Variants in IDE observed in about 807,000 individuals in gnomAD.
IDE encodes insulin-degrading enzyme.
Under a neutral mutation model 133.2 loss-of-function variants are expected in IDE, and 58 were observed. The observed-to-expected ratio is 0.44, with a 90% CI of 0.35 to 0.54. The LOEUF is 0.54. Ranked by LOEUF, IDE falls within the 20% of genes least tolerant of loss-of-function variation. The probability of loss-of-function intolerance (pLI) is 0.00; values close to 1 mark genes in which losing one functional copy is unlikely to be tolerated. For synonymous variants in IDE, 396 were observed against 421.3 expected, an observed-to-expected ratio of 0.94 and a Z score of 0.73; for missense variants, 981 against 1,234.0, an observed-to-expected ratio of 0.79 and a Z score of 3.07.
At chr10:92,564,419 C>A (rs1381210968) in intron 1 of IDE, among the ~76,000 whole-genome samples, 2 of 152,018 alleles carry the variant, frequency 1.3e-5, no homozygotes, top group Non-Finnish European at 2.9e-5. Flanking sequence ...CACCTGTAAT[C>A]CCAGCACTTT....
At chr10:92,557,318 C>T (rs1273485629) in intron 1 of IDE, among the ~76,000 whole-genome samples, 1 of 152,014 alleles carries the variant, frequency 6.6e-6, no homozygotes, top group Non-Finnish European at 1.5e-5. Flanking sequence ...GGGTGGATCA[C>T]GAGGTCAGGA....
chr10:92,484,353 G>T (rs1161243169), intron 13 of IDE, among the ~76,000 whole-genome samples: 1 of 152,150 alleles, frequency 6.6e-6, no homozygotes, highest in Non-Finnish European at 1.5e-5. Flanking sequence ...GGAGGCAGAG[G>T]TTGCAGTGAG....
chr10:92,533,840 A>G (rs1850075647), intron 3 of IDE, among the ~76,000 whole-genome samples: 3 of 152,064 alleles, frequency 2.0e-5, no homozygotes, highest in African/African-American at 7.2e-5. Context: ...CCTGACCAAC[A>G]TGGTGAAACC....
chr10:92,487,134 C>T, intron 13 of IDE, 62 bp downstream of exon 13: 6 of 1,495,786 alleles, frequency 4.0e-6, no homozygotes, highest in Non-Finnish European at 4.6e-6. Flanking sequence ...AAATCATTTA[C>T]CCAGTCCCCC....
intron 11 of IDE, among the ~76,000 whole-genome samples, chr10:92,503,305 T>A (rs1266541089): frequency 6.6e-6 from 1 of 152,134 alleles, no homozygotes. Context: ...TCTGTACTCA[T>A]CCAAACACTG....
intron 1 of IDE, among the ~76,000 whole-genome samples, chr10:92,572,578 G>A (rs2135863310): frequency 6.6e-6 from 1 of 152,260 alleles, no homozygotes; most frequent in Non-Finnish European, 1.5e-5. Context: ...AGTTCCATCA[G>A]ATAACTTTCC....
intron 11 of IDE, among the ~76,000 whole-genome samples, 143 bp downstream of exon 11, chr10:92,504,638 GGTTGAAGCTTGGT>G (rs1848197609): frequency 6.6e-6 from 1 of 152,234 alleles, no homozygotes; most frequent in Admixed American, 6.5e-5. Flanking sequence ...ATGTATCAAT[GGTTGAAGCTTGGT>G]GTTGCTTCAT....
At chr10:92,456,473 A>T (rs774017679) in intron 22 of IDE, 42 bp from the exon 23 acceptor site, 1 of 1,307,346 alleles carries the variant, frequency 7.6e-7, no homozygotes. Flanking sequence ...TGCTCCACTA[A>T]AGAACTTACA....
At chr10:92,486,180 C>T (rs1406330885) in intron 13 of IDE, among the ~76,000 whole-genome samples, 2 of 151,980 alleles carry the variant, frequency 1.3e-5, no homozygotes, top group African/African-American at 2.4e-5. Context: ...GAAACCCTGT[C>T]TCTACTAAAA....
At chr10:92,517,242 A>G (rs1262123447) in intron 4 of IDE, among the ~76,000 whole-genome samples, 21 of 152,218 alleles carry the variant, frequency 1.4e-4, no homozygotes, top group Admixed American at 1.1e-3. Context: ...GCTGCACAGT[A>G]CTAAGATTCC....
At chr10:92,537,932 T>C (rs1842102123) in intron 1 of IDE, among the ~76,000 whole-genome samples, 1 of 152,106 alleles carries the variant, frequency 6.6e-6, no homozygotes, top group African/African-American at 2.4e-5. Context: ...TAGCGTGATT[T>C]TGGCTCACTG....
intron 1 of IDE, among the ~76,000 whole-genome samples, chr10:92,564,883 C>A (rs2135825432): frequency 6.6e-6 from 1 of 151,494 alleles, no homozygotes; most frequent in Admixed American, 6.6e-5. Context: ...ACAGTAAGAC[C>A]CCATCTCTAA....
chr10:92,482,850 G>C (rs1846700042), intron 14 of IDE, among the ~76,000 whole-genome samples: 1 of 151,378 alleles, frequency 6.6e-6, no homozygotes, highest in Non-Finnish European at 1.5e-5. Flanking sequence ...CTGTCGCCCA[G>C]GCTGGAGTGC....
intron 1 of IDE, among the ~76,000 whole-genome samples, chr10:92,556,535 A>T (rs1006996891): frequency 2.0e-5 from 3 of 152,052 alleles, no homozygotes; most frequent in African/African-American, 7.2e-5. Flanking sequence ...AAGGCAGGTG[A>T]TCACCTGAGG....
chr10:92,500,057 G>C (rs1847921777), intron 11 of IDE, among the ~76,000 whole-genome samples: 1 of 152,126 alleles, frequency 6.6e-6, no homozygotes, highest in African/African-American at 2.4e-5. Flanking sequence ...CAGCACTTTG[G>C]GAGGCCGAGA....
chr10:92,491,108 C>T (rs75104428), intron 11 of IDE, among the ~76,000 whole-genome samples: 2 of 151,524 alleles, frequency 1.3e-5, no homozygotes, highest in East Asian at 1.9e-4. Flanking sequence ...TGGGGTGGCA[C>T]GCAGCTATAG....
chr10:92,465,335 G>A (rs79790450), intron 20 of IDE, among the ~76,000 whole-genome samples: 2,705 of 152,204 alleles, frequency 0.018, 39 homozygotes, highest in South Asian at 0.05. Context: ...CTGCCCTCAA[G>A]GAACTCAGGC....
At chr10:92,563,112 G>A (rs1013142215) in intron 1 of IDE, among the ~76,000 whole-genome samples, 1 of 152,184 alleles carries the variant, frequency 6.6e-6, no homozygotes, top group Admixed American at 6.5e-5. Flanking sequence ...TTAGCCGGGC[G>A]TGGTGGCAGG....
intron 4 of IDE, among the ~76,000 whole-genome samples, chr10:92,530,226 C>CAATA (rs200517884): frequency 0.015 from 2,185 of 149,714 alleles, 29 homozygotes; most frequent in East Asian, 0.077. Flanking sequence ...GACTCCGTCT[C>CAATA]AATAAATAAA....
Sources: allele counts gnomAD v4.1 joint callset (sites outside exome capture counted in the v4.1 genomes callset), GRCh38; gene constraint gnomAD v4.1.1; transcripts MANE v1.5; gene names NCBI Gene and HGNC (gene_info 2026-07-23, HGNC 2026-07-21).